Variants in HIP1R observed in about 807,000 individuals in gnomAD.
The protein encoded by HIP1R is huntingtin-interacting protein 1-related protein.
In HIP1R, 135 loss-of-function variants were observed where a neutral mutation model predicts 144.2. That is an observed-to-expected ratio of 0.94 (90% CI 0.81 to 1.08). The LOEUF is 1.08. Among genes scored for constraint, HIP1R ranks in the 50% least tolerant of loss-of-function variants. HIP1R has a pLI of 0.00. For synonymous variants in HIP1R, 698 were observed against 612.8 expected (o/e 1.14, Z -2.05); for missense variants, 1,462 against 1,432.8 (o/e 1.02, Z -0.33).
chr12:122,857,354 T>C (rs945324800), intron 18 of HIP1R, 139 bp downstream of exon 18: 6 of 813,302 alleles, frequency 7.4e-6, no homozygotes, highest in African/African-American at 3.4e-5. Flanking sequence ...GTCCGGCTTC[T>C]TCACTCAGCA....
Position 122,849,899 on chromosome 12 carries a change from C to G in HIP1R, c.382C>G (p.Gln128Glu), listed in dbSNP as rs780289203. The G allele has an allele frequency of 9.3e-6, 15 of 1,613,534 alleles. No individual in the cohort carries two copies. Among genetic ancestry groups the G allele is most frequent in the Non-Finnish European group, 7.6e-6 (9 of 1,179,838 alleles). The change falls in exon 5 of 32, where the codon CAG becomes GAG. Residue 128 changes from glutamine (Q) to glutamate (E), a missense_variant. Coordinates refer to ENST00000253083, the MANE Select transcript of HIP1R (RefSeq NM_003959.3). ...LWGHLHDRYG[Q>E]LVNVYTKLLL... ...GGGACATTTGCATGACCGCTACGGA[C>G]AGCTGGTGAATGTCTACACCAAGCT...
At chr12:122,854,270 A>G in intron 8 of HIP1R, 87 bp downstream of exon 8, 2 of 1,223,692 alleles carry the variant, frequency 1.6e-6, no homozygotes, top group South Asian at 3.3e-5. Flanking sequence ...TCGAAAAATT[A>G]GAGGTTTATT....
chr12:122,852,470 A>G (rs1267013347), intron 7 of HIP1R, among the ~76,000 whole-genome samples: 1 of 152,208 alleles, frequency 6.6e-6, no homozygotes, highest in East Asian at 1.9e-4. Flanking sequence ...GGCATGGGAG[A>G]AGGCCAGTGT....
chr12:122,857,849 T>C (rs574413432), intron 18 of HIP1R: 2 of 406,706 alleles, frequency 4.9e-6, no homozygotes, highest in South Asian at 8.6e-5. Flanking sequence ...TATCTTTTCA[T>C]GAGCTACCTG....
chr12:122,835,033 G>C (rs991772874), upstream of HIP1R: 6 of 1,283,882 alleles, frequency 4.7e-6, no homozygotes, highest in African/African-American at 9.2e-5. Flanking sequence ...GGTGGGGAGA[G>C]GGAATTGGCT....
intron 5 of HIP1R, chr12:122,850,177 C>G (rs1469388220): frequency 1.5e-6 from 1 of 669,504 alleles, no homozygotes; most frequent in Non-Finnish European, 2.7e-6. Flanking sequence ...GCACGGGCTT[C>G]CCCAGGCGTT....
chr12:122,858,151 C>T lies in HIP1R; in HGVS notation c.1865C>T (p.Ala622Val). The change falls in exon 19 of 32, where the codon GCA becomes GTA. Residue 622 changes from alanine to valine, a missense_variant. Ala to Val is a moderately conservative substitution (Grantham distance 64). Transcript: ENST00000253083. ...CAGAGGCTGCTGGACGAGCAGTTCG[C>T]AGTGTTGCGGGGCGCTGCTGCCGAG... Reference protein sequence around the residue: ...LRQRLLDEQFAVLRGAAAEAA... With the variant: ...LRQRLLDEQFVVLRGAAAEAA... 1.2e-6 allele frequency: 2 copies of T among 1,604,448 alleles called. No homozygotes were observed. Among genetic ancestry groups the T allele is most frequent in the East Asian group, 2.2e-5 (1 of 44,756 alleles).
intron 5 of HIP1R, 38 bp downstream of exon 5, chr12:122,849,993 G>A (rs757121306): frequency 8.8e-5 from 127 of 1,442,102 alleles, no homozygotes; most frequent in Middle Eastern, 1.7e-4. Flanking sequence ...TGAGGGACCC[G>A]TGGGCTTTTC....
chr12:122,848,122 G>C (rs781312823), intron 2 of HIP1R, 28 bp downstream of exon 2: 4 of 1,611,242 alleles, frequency 2.5e-6, no homozygotes, highest in Non-Finnish European at 3.4e-6. Context: ...TTGGACCCAG[G>C]AGTTGGGTGT....
chr12:122,853,892 A>G (rs570546231), intron 7 of HIP1R, 151 bp from the exon 8 acceptor site: 202 of 839,894 alleles, frequency 2.4e-4, no homozygotes, highest in Middle Eastern at 2.3e-3. Flanking sequence ...GACCTGGGGC[A>G]GCCACCAGCA....
rs985986547 is a variant in HIP1R, at chr12:122,862,557, G to A, written c.*804G>A. 1.3e-5 allele frequency: 2 copies of A among 152,264 alleles called. No individual in the cohort carries two copies. The highest frequency in any genetic ancestry group is 4.8e-5 in the African/African-American group (2 of 41,448). 9.4% of individuals were successfully genotyped at this position (152,264 alleles called of 1,614,324 possible). A position where few individuals can be genotyped will look rare whatever the true frequency, so the allele number is the denominator to read the frequency against. On this transcript the variant is annotated 3_prime_UTR_variant, in exon 32 of 32. Transcript: ENST00000253083. ...CTGAAGGGGTGGTTTCCAGCCCTCC[G>A]GAGAGTGGGCTTGGCCCTAGGCCCT...
rs1297673626 is a variant in HIP1R, at chr12:122,835,477, A to G, written c.-74A>G. ...GCGGCGCGGTGGCCTCGCGGTGCCT[A>G]GGCTGGGGCTGCCGGACCGTGAGGC... On this transcript the variant is annotated 5_prime_UTR_variant, in exon 1 of 32. Transcript: ENST00000253083. 1.4e-5 allele frequency: 17 copies of G among 1,189,086 alleles called. No homozygotes were observed. Among genetic ancestry groups the G allele is most frequent in the Non-Finnish European group, 1.8e-5 (17 of 959,490 alleles). 73.7% of individuals were successfully genotyped at this position (1,189,086 alleles called of 1,614,324 possible).
Position 122,855,045 on chromosome 12 carries a change from C to T in HIP1R, c.777-8C>T. The T allele has an allele frequency of 6.2e-7, 1 of 1,613,922 alleles. No homozygotes were observed. Among genetic ancestry groups the T allele is most frequent in the South Asian group, 1.1e-5 (1 of 91,084 alleles). Reference sequence around the variant, plus strand: ...TTCCTGAACCCGAACTTCCCACCATCTCTGCAGCCTCAGGAACTTCTTCCG... The same window carrying T: ...TTCCTGAACCCGAACTTCCCACCATTTCTGCAGCCTCAGGAACTTCTTCCG... On this transcript the variant is annotated splice_polypyrimidine_tract_variant and splice_region_variant and intron_variant, in intron 9 of 31. Transcript: ENST00000253083.
At position 122,849,846 on chromosome 12, in the gene HIP1R, G is replaced by A. The variant is rs759135728; in HGVS notation, c.358-29G>A. 4 of 1,559,834 alleles carry A rather than the reference G, an allele frequency of 2.6e-6. No homozygotes were observed. The Admixed American group carries it at 5.0e-5, about 20-fold the overall frequency. ...ACTCTTGGACGTGTTCACGAGCCGTGGCCCCTCACCCTGTCTGTCTTCACA... is the reference window on the plus strand; with the variant it reads ...ACTCTTGGACGTGTTCACGAGCCGTAGCCCCTCACCCTGTCTGTCTTCACA... On this transcript the variant is annotated intron_variant, in intron 4 of 31. Coordinates refer to ENST00000253083, the MANE Select transcript of HIP1R (RefSeq NM_003959.3).
At position 122,850,867 on chromosome 12, in the gene HIP1R, A is replaced by G. The variant is rs746546370; in HGVS notation, c.471A>G (p.Thr157=). 2 of 1,610,808 alleles carry G rather than the reference A, an allele frequency of 1.2e-6. No homozygotes were observed. The highest frequency in any genetic ancestry group is 2.7e-5 in the African/African-American group (2 of 74,692). ...HPQFPAGLEV[T]DEVLEKAAGT... is the part of the protein sequence containing the mutation. ...AGTTTCCCGCGGGCCTGGAGGTGAC[A>G]GATGAGGTACTGGAGAAGGCAGCTG... Residue 157 remains threonine, a synonymous_variant, in exon 6 of 32, where the codon ACA becomes ACG. Coordinates refer to ENST00000253083, the MANE Select transcript of HIP1R (RefSeq NM_003959.3).
rs1476573107 is a variant in HIP1R, at chr12:122,857,161, G to A, written c.1761G>A (p.Glu587=). 6.4e-7 allele frequency: 1 copy of A among 1,550,436 alleles called. No homozygotes were observed. Among genetic ancestry groups the A allele is most frequent in the Non-Finnish European group, 8.7e-7 (1 of 1,146,872 alleles). Residue 587 remains glutamate (E), a synonymous_variant, in exon 18 of 32, where the codon GAG becomes GAA. Transcript: ENST00000253083. ...AGACAGAGGCGGCGCTGAGCCGGGA[G>A]CAGCAGCGCAGCTCCCAGGAGCAGG... is the stretch of plus-strand genomic sequence containing the variant. The part of the protein sequence containing the change: ...VRETEAALSR[E]QQRSSQEQGE...
In HIP1R at chr12:122,848,699, C is replaced by T. The variant is rs74487507; in HGVS notation, c.300+91C>T. 7.0e-4 allele frequency: 1,119 copies of T among 1,595,524 alleles called. 7 individuals are homozygous for T. In the African/African-American group the frequency reaches 0.013, roughly 19 times the overall value. On this transcript the variant is annotated intron_variant, in intron 3 of 31. Transcript: ENST00000253083. ...GGCCCTGTTCCTGTCCCCGTAGCTCCGGGCTGTTCCTCCCGCCTCGGGTGG... is the reference window on the plus strand; with the variant it reads ...GGCCCTGTTCCTGTCCCCGTAGCTCTGGGCTGTTCCTCCCGCCTCGGGTGG...
chr12:122,838,258 C>T (rs1353359547), intron 1 of HIP1R, among the ~76,000 whole-genome samples: 1 of 151,752 alleles, frequency 6.6e-6, no homozygotes, highest in Admixed American at 6.6e-5. Context: ...TGTGTATAAT[C>T]CCAGGGGAAT....
rs2033742530 is a variant in HIP1R, at chr12:122,860,685, A to G, written c.2667A>G (p.Ala889=). The G allele has an allele frequency of 1.2e-6, 2 of 1,613,304 alleles. No homozygotes were observed. The highest frequency in any genetic ancestry group is 1.7e-6 in the Non-Finnish European group (2 of 1,179,902). ...ACTGGCCCTTGACCCGCAGGGAGGC[A>G]GCTGACAAGGTGGTGCTTCACACGG... ...VGWGATQLVE[A]ADKVVLHTGK... The change falls in exon 28 of 32, where the codon GCA becomes GCG. Residue 889 remains alanine, a synonymous_variant. Coordinates refer to ENST00000253083, the MANE Select transcript of HIP1R (RefSeq NM_003959.3).
Sources: gnomAD v4.1 joint callset for allele counts (sites outside exome capture counted in the v4.1 genomes callset) on GRCh38, gnomAD v4.1.1 for gene constraint, MANE v1.5 for transcripts, NCBI Gene and HGNC (gene_info 2026-07-23, HGNC 2026-07-21) for gene names.